The following PRH1 variants were observed in gnomAD, a reference collection of about 807,000 sequenced individuals.
The protein encoded by PRH1 is proline rich protein HaeIII subfamily 1.
PRH1 carries 7 observed loss-of-function variants against 7.9 expected under a neutral mutation model. That is an observed-to-expected ratio of 0.89 (90% CI 0.50 to 1.67). The LOEUF is 1.67. PRH1 is among the 40% of genes most tolerant of loss of function. The pLI, the probability that PRH1 is intolerant of heterozygous loss-of-function variation, is 0.00. For synonymous variants in PRH1, 45 were observed against 80.8 expected (o/e 0.56, Z 2.38); for missense variants, 109 against 223.6 (o/e 0.49, Z 3.27).
chr12:11,093,654 G>C (rs187648233), intron 1 of PRH1, among the ~76,000 whole-genome samples: 2 of 115,504 alleles, frequency 1.7e-5, no homozygotes, highest in Admixed American at 1.8e-4. Flanking sequence ...CAGACCCTTT[G>C]ATATAGAATC....
At chr12:10,980,772 G>A (rs1213997874) in intron 1 of PRH1, among the ~76,000 whole-genome samples, 6 of 152,138 alleles carry the variant, frequency 3.9e-5, no homozygotes, top group Non-Finnish European at 8.8e-5. Flanking sequence ...GAGAAGTGGT[G>A]CCCAGTAAAT....
intron 1 of PRH1, among the ~76,000 whole-genome samples, chr12:11,035,071 T>C (rs1049166122): frequency 7.9e-5 from 12 of 152,084 alleles, no homozygotes; most frequent in Middle Eastern, 3.4e-3. Context: ...AGTTATTCCC[T>C]TTAACATAAT....
At chr12:10,980,588 T>C (rs1216464977) in intron 1 of PRH1, among the ~76,000 whole-genome samples, 1 of 152,054 alleles carries the variant, frequency 6.6e-6, no homozygotes, top group Non-Finnish European at 1.5e-5. Flanking sequence ...TATAAATACA[T>C]ATGAATAATC....
At chr12:11,118,633 T>C (rs151223485), downstream of PRH1, among the ~76,000 whole-genome samples, 2 of 152,156 alleles carry the variant, frequency 1.3e-5, no homozygotes, top group Non-Finnish European at 2.9e-5. Flanking sequence ...ATGTTTGTTG[T>C]AGCACTGTTC....
intron 1 of PRH1, among the ~76,000 whole-genome samples, chr12:11,158,459 T>C (rs548229096): frequency 3.4e-4 from 52 of 152,260 alleles, no homozygotes; most frequent in African/African-American, 1.3e-3. Flanking sequence ...TGTGATTTTA[T>C]ATATATTTAT....
intron 1 of PRH1, among the ~76,000 whole-genome samples, chr12:11,079,724 A>G (rs73062965): frequency 0.023 from 1,268 of 56,104 alleles, 3 homozygotes; most frequent in Non-Finnish European, 0.035. Flanking sequence ...ATTAAACCTA[A>G]AAGAAAAACC....
At chr12:11,113,936 A>C (rs1226726346) in intron 1 of PRH1, among the ~76,000 whole-genome samples, 3 of 152,220 alleles carry the variant, frequency 2.0e-5, no homozygotes, top group Non-Finnish European at 1.5e-5. Flanking sequence ...CATTAGAGAA[A>C]TGCAAATCAA....
chr12:11,044,357 C>A (rs564830141), intron 1 of PRH1, among the ~76,000 whole-genome samples: 6 of 152,188 alleles, frequency 3.9e-5, no homozygotes, highest in African/African-American at 1.4e-4. Flanking sequence ...CAGAGAAACT[C>A]CCCAGGACAT....
intron 1 of PRH1, among the ~76,000 whole-genome samples, chr12:11,014,127 G>A (rs1029788261): frequency 6.6e-6 from 1 of 152,124 alleles, no homozygotes; most frequent in Non-Finnish European, 1.5e-5. Flanking sequence ...TAATATAAAT[G>A]GATAATCAGC....
intron 1 of PRH1, among the ~76,000 whole-genome samples, chr12:11,128,914 G>C (rs2136350170): frequency 7.0e-6 from 1 of 143,636 alleles, no homozygotes; most frequent in East Asian, 2.2e-4. Flanking sequence ...TGACACCAGT[G>C]AGAACTTCCA....
In PRH1 at chr12:11,157,267, G is replaced by A. The variant is rs144875996; in HGVS notation, n.39+14155C>T. 3.2e-3 allele frequency among the ~76,000 whole-genome samples: 490 copies of A among 152,272 alleles called. 2 individuals carry two copies. Among genetic ancestry groups the A allele is most frequent in the African/African-American group, 0.011 (446 of 41,544 alleles). On this transcript the variant is annotated intron_variant and non_coding_transcript_variant, in intron 1 of 1. Coordinates refer to the PRH1 transcript ENST00000541175. ...GACTCTTATTACATGAAAATTCAAG[G>A]AGCAGAACTTGATCTCAAAATGCCA...
Position 10,924,027 on chromosome 12 carries a change from G to A in PRH1, c.-58-39752C>T, listed in dbSNP as rs545336657. ...TTTTTTTTTTTTGAGACGGAGTCTCGCTCTGTCGCCCAGGCTGGAGTGCGA... is the reference window on the plus strand; with the variant it reads ...TTTTTTTTTTTTGAGACGGAGTCTCACTCTGTCGCCCAGGCTGGAGTGCGA... On this transcript the variant is annotated intron_variant, in intron 2 of 3. Transcript: ENST00000539853. Among the ~76,000 whole-genome samples, 207 of 109,230 alleles carry A rather than the reference G, an allele frequency of 1.9e-3. 1 individual carries two copies. Among genetic ancestry groups the A allele is most frequent in the Non-Finnish European group, 2.3e-3 (137 of 59,770 alleles). 71.7% of individuals were successfully genotyped at this position (109,230 alleles called of 152,430 possible).
chr12:11,056,345 A>G (rs1943361799), intron 1 of PRH1, among the ~76,000 whole-genome samples: 1 of 152,242 alleles, frequency 6.6e-6, no homozygotes. Context: ...AATGGTTTAG[A>G]TGAATAGATG....
chr12:11,054,534 A>C (rs991166624), intron 1 of PRH1, among the ~76,000 whole-genome samples: 2 of 152,184 alleles, frequency 1.3e-5, no homozygotes, highest in Admixed American at 6.5e-5. Flanking sequence ...CTAATATTCA[A>C]AAACTTTGTA....
At chr12:11,135,670 CA>C (rs1445740496) in intron 1 of PRH1, among the ~76,000 whole-genome samples, 3 of 151,860 alleles carry the variant, frequency 2.0e-5, no homozygotes, top group African/African-American at 7.3e-5. Flanking sequence ...ATTCAGGAGC[CA>C]AAAGAAAAAA....
chr12:11,091,471 T>C (rs137904578), intron 1 of PRH1: 24,702 of 1,253,294 alleles, frequency 0.02, 2,774 homozygotes, highest in Middle Eastern at 0.036. Context: ...TTTCCAGACT[T>C]CCAAAACTCC....
chr12:10,973,240 T>C (rs1325298430), intron 2 of PRH1: 1 of 152,894 alleles, frequency 6.5e-6, no homozygotes, highest in African/African-American at 2.4e-5. Flanking sequence ...AAACTAGACT[T>C]CTCTACATGT....
chr12:10,921,950 A>G (rs1665195909), intron 2 of PRH1, among the ~76,000 whole-genome samples: 1 of 152,030 alleles, frequency 6.6e-6, no homozygotes, highest in Non-Finnish European at 1.5e-5. Flanking sequence ...TATTGTTTGT[A>G]GAGGGCAGTG....
rs755415850 is a variant in PRH1, at chr12:11,022,070, A to G, written c.-126+24950T>C. 6 of 1,613,946 alleles carry G rather than the reference A, an allele frequency of 3.7e-6. No individual in the cohort carries two copies. In the Admixed American group the frequency reaches 8.3e-5, roughly 22 times the overall value. On this transcript the variant is annotated intron_variant, in intron 1 of 3. Transcript: ENST00000539853. ...CTTGAAAGGTGTATTGCATTCCTCA[A>G]TTTGATCTTCCAAGTCACATTTCCT...
Sources: gnomAD v4.1 joint callset for allele counts (sites outside exome capture counted in the v4.1 genomes callset) on GRCh38, gnomAD v4.1.1 for gene constraint, MANE v1.5 for transcripts, NCBI Gene and HGNC (gene_info 2026-07-23, HGNC 2026-07-21) for gene names.